ZNF438: variants seen among roughly 807,000 people sequenced by gnomAD.
ZNF438 encodes zinc finger protein 438.
A neutral mutation model predicts 38.0 loss-of-function variants in ZNF438; 25 were observed. The observed-to-expected ratio is 0.66, with a 90% CI of 0.48 to 0.92. The LOEUF is 0.92. Ranked by LOEUF, ZNF438 falls within the 40% of genes least tolerant of loss-of-function variation. ZNF438 has a pLI of 0.00. For missense variants in ZNF438, 1,007 were observed against 999.6 expected (o/e 1.01, Z -0.10); for synonymous variants, 372 against 364.1 (o/e 1.02, Z -0.25).
intron 2 of ZNF438, among the ~76,000 whole-genome samples, chr10:30,935,313 T>C (rs764215819): frequency 3.9e-5 from 6 of 152,224 alleles, no homozygotes; most frequent in Non-Finnish European, 7.3e-5. Flanking sequence ...TGGCTCATGG[T>C]TCTGCAGGCT....
chr10:30,895,047 T>C (rs1032760426), intron 3 of ZNF438, among the ~76,000 whole-genome samples: 2 of 152,232 alleles, frequency 1.3e-5, no homozygotes, highest in African/African-American at 2.4e-5. Flanking sequence ...CATTAACACA[T>C]AGGAAAGATG....
chr10:30,983,067 C>A (rs2052390350), intron 1 of ZNF438, among the ~76,000 whole-genome samples: 1 of 152,054 alleles, frequency 6.6e-6, no homozygotes, highest in African/African-American at 2.4e-5. Flanking sequence ...TTTCTCTAAA[C>A]AATACACTAA....
intron 1 of ZNF438, among the ~76,000 whole-genome samples, chr10:30,949,606 C>T (rs1194233468): frequency 6.6e-6 from 1 of 152,154 alleles, no homozygotes; most frequent in African/African-American, 2.4e-5. Flanking sequence ...TAATACTAGT[C>T]TCTGATAAAA....
chr10:30,888,913 T>C (rs377722182), intron 3 of ZNF438, among the ~76,000 whole-genome samples: 10 of 152,334 alleles, frequency 6.6e-5, no homozygotes, highest in African/African-American at 9.6e-5. Context: ...CTGGATCCAA[T>C]TGTAGTTCTA....
intron 3 of ZNF438, among the ~76,000 whole-genome samples, chr10:30,897,768 G>GCAGA (rs2134171750): frequency 6.6e-6 from 1 of 152,344 alleles, no homozygotes; most frequent in African/African-American, 2.4e-5. Flanking sequence ...AGTGAGACAA[G>GCAGA]CAGACAGTGG....
At chr10:30,853,835 A>T (rs755332843) in intron 4 of ZNF438, among the ~76,000 whole-genome samples, 24 of 152,022 alleles carry the variant, frequency 1.6e-4, no homozygotes, top group Non-Finnish European at 3.1e-4. Context: ...TTTCTACTAA[A>T]AATACAAAAA....
intron 4 of ZNF438, among the ~76,000 whole-genome samples, chr10:30,852,042 A>C (rs988879487): frequency 2.6e-5 from 4 of 151,818 alleles, no homozygotes; most frequent in African/African-American, 4.8e-5. Flanking sequence ...AGATGCCTGT[A>C]ATCTCAGCTA....
intron 1 of ZNF438, among the ~76,000 whole-genome samples, chr10:30,989,179 C>T (rs917689226): frequency 1.3e-5 from 2 of 152,178 alleles, no homozygotes; most frequent in Admixed American, 6.5e-5. Context: ...GTTTGATTTG[C>T]CAACTCCCAA....
chr10:30,963,942 A>G (rs2049829964), intron 1 of ZNF438, among the ~76,000 whole-genome samples: 1 of 152,310 alleles, frequency 6.6e-6, no homozygotes, highest in Admixed American at 6.5e-5. Context: ...GTCATGAACA[A>G]TAACTTTTCA....
intron 4 of ZNF438, among the ~76,000 whole-genome samples, chr10:30,864,713 C>A (rs547330372): frequency 6.6e-6 from 1 of 152,290 alleles, no homozygotes; most frequent in East Asian, 1.9e-4. Flanking sequence ...AAAACAACAG[C>A]AACAAGAAAG....
intron 4 of ZNF438, among the ~76,000 whole-genome samples, chr10:30,859,932 C>A (rs1465567271): frequency 6.6e-6 from 1 of 152,118 alleles, no homozygotes; most frequent in Non-Finnish European, 1.5e-5. Context: ...GTGCTGGCCT[C>A]AAAAGATAGC....
chr10:30,994,325 T>C (rs1264646109), intron 1 of ZNF438, among the ~76,000 whole-genome samples: 1 of 152,234 alleles, frequency 6.6e-6, no homozygotes, highest in African/African-American at 2.4e-5. Flanking sequence ...AACTTGGTCC[T>C]GAATGCAGAA....
intron 3 of ZNF438, among the ~76,000 whole-genome samples, chr10:30,880,779 T>C (rs953625077): frequency 3.9e-5 from 6 of 152,056 alleles, no homozygotes; most frequent in Non-Finnish European, 8.8e-5. Context: ...TCCAACAATA[T>C]GAGAATACGT....
chr10:30,966,436 C>G (rs558020035), intron 1 of ZNF438, among the ~76,000 whole-genome samples: 1 of 151,876 alleles, frequency 6.6e-6, no homozygotes, highest in Non-Finnish European at 1.5e-5. Context: ...TTTAGAAGGC[C>G]GAGGCGGGTG....
rs1416041012 is a variant in ZNF438 at position 30,984,951 on chromosome 10, GA to G, written c.-191-43301del. On this transcript the variant is annotated intron_variant, in intron 1 of 5. Transcript: ENST00000413025. ...TGTCCTGGATTTTTCATTTTCTAAT[GA>G]TTTTTTTTAATGATAGCATTAAAAT... Among the ~76,000 whole-genome samples the G allele has an allele frequency of 3.9e-5, 6 of 152,224 alleles. No homozygotes were observed. In the East Asian group the frequency reaches 9.6e-4, roughly 24 times the overall value.
At chr10:30,984,592 T>C (rs2136526491) in intron 1 of ZNF438, among the ~76,000 whole-genome samples, 166 bp from the exon 2 acceptor site, 1 of 152,276 alleles carries the variant, frequency 6.6e-6, no homozygotes. Flanking sequence ...GTTGATTACA[T>C]GTCTTTAGTT....
rs531677004 is a variant in ZNF438, at chr10:30,877,212, G to A, written c.-31-147C>T. On this transcript the variant is annotated intron_variant, in intron 3 of 5. Coordinates refer to ENST00000413025, the Ensembl canonical transcript of ZNF438. Reference sequence around the variant, plus strand: ...GAAATGGATTGAGCTATTAAGAATTGATGTTTTTATTTTCTTCTCATTTTT... The same window carrying A: ...GAAATGGATTGAGCTATTAAGAATTAATGTTTTTATTTTCTTCTCATTTTT... The A allele has an allele frequency of 9.0e-6, 4 of 443,950 alleles. No individual in the cohort carries two copies. In the East Asian group the frequency reaches 1.4e-4, roughly 16 times the overall value. The allele number at this position is 443,950 out of a possible 1,614,324, so 27.5% of individuals were successfully genotyped here.
intron 1 of ZNF438, among the ~76,000 whole-genome samples, chr10:30,981,490 C>G (rs1422290456): frequency 6.6e-6 from 1 of 152,156 alleles, no homozygotes; most frequent in Non-Finnish European, 1.5e-5. Context: ...GACAGCTCTT[C>G]TCTCTCAGCC....
At chr10:30,874,509 AAATATT>A (rs36219583) in intron 4 of ZNF438, among the ~76,000 whole-genome samples, 9,930 of 152,000 alleles carry the variant, frequency 0.065, 1,006 homozygotes, top group African/African-American at 0.23. Context: ...TTTTGTTAAA[AAATATT>A]AATATTAATC....
Sources: gnomAD v4.1 joint callset for allele counts (sites outside exome capture counted in the v4.1 genomes callset) on GRCh38, gnomAD v4.1.1 for gene constraint, MANE v1.5 for transcripts, NCBI Gene and HGNC (gene_info 2026-07-23, HGNC 2026-07-21) for gene names.